MCC: variants seen among roughly 807,000 people sequenced by gnomAD.
The protein encoded by MCC is MCC regulator of Wnt signaling pathway.
In MCC, 90 loss-of-function variants were observed where a neutral mutation model predicts 116.2. The observed-to-expected ratio is 0.77, with a 90% confidence interval of 0.65 to 0.92. MCC has a LOEUF of 0.92. Among genes scored for constraint, MCC ranks in the 40% least tolerant of loss-of-function variants. The pLI is 0.00. For missense variants in MCC, 1,516 were observed against 1,312.2 expected (o/e 1.16, Z -2.40); for synonymous variants, 578 against 510.5 (o/e 1.13, Z -1.78).
rs1023521925 is a variant in MCC, at chr5:113,434,980, A to T, written c.171-49768T>A. On this transcript the variant is annotated intron_variant, in intron 1 of 18. Transcript: ENST00000408903. This position sits in a 1 kb window ranked among gnomAD's most constrained non-coding sequence, Gnocchi z 4.2. ...CTGTTCCTGCCTCCTAGAGGCCAAG[A>T]CTCTGGAGTGGAACATTTGGCACTG... 3 of 1,014,544 alleles carry T rather than the reference A, an allele frequency of 3.0e-6. No individual in the cohort carries two copies. The highest frequency in any genetic ancestry group is 4.3e-6 in the Non-Finnish European group (3 of 703,448). The allele number at this position is 1,014,544 out of a possible 1,614,324, so 62.8% of individuals were successfully genotyped here.
At chr5:113,244,320 A>C (rs1764492303) in intron 3 of MCC, among the ~76,000 whole-genome samples, 1 of 152,248 alleles carries the variant, frequency 6.6e-6, no homozygotes, top group Admixed American at 6.5e-5. Flanking sequence ...AATAATCTAC[A>C]AGTAGGTTTA....
intron 8 of MCC, among the ~76,000 whole-genome samples, chr5:113,094,594 G>C (rs962320284): frequency 6.6e-6 from 1 of 151,888 alleles, no homozygotes; most frequent in Non-Finnish European, 1.5e-5. Flanking sequence ...CTAATTTTTT[G>C]TATTTTTAGT....
chr5:113,088,295 C>G (rs557777607), intron 8 of MCC, among the ~76,000 whole-genome samples: 49 of 151,954 alleles, frequency 3.2e-4, no homozygotes, highest in South Asian at 1.3e-3. Context: ...ATGCAAGAAA[C>G]TAAGGCTAAA....
chr5:113,416,834 TTAAAA>T (rs1378708933), intron 1 of MCC, among the ~76,000 whole-genome samples: 6 of 152,186 alleles, frequency 3.9e-5, no homozygotes, highest in Admixed American at 6.5e-5. Context: ...TTTTTGACAA[TTAAAA>T]TAAATCGTCA....
intron 14 of MCC, among the ~76,000 whole-genome samples, chr5:113,055,881 G>A (rs1419728422): frequency 6.6e-6 from 1 of 152,206 alleles, no homozygotes; most frequent in Non-Finnish European, 1.5e-5. Flanking sequence ...TAAGGGGAAA[G>A]ACAGGTCCCC....
intron 1 of MCC, among the ~76,000 whole-genome samples, chr5:113,464,035 T>C (rs1771829970): frequency 6.6e-6 from 1 of 152,084 alleles, no homozygotes; most frequent in African/African-American, 2.4e-5. Flanking sequence ...ACACAGTCAA[T>C]GGCTGAAAGG....
rs374268817 is a variant in MCC, at chr5:113,138,314, G to A, written c.884+4904C>T. Among the ~76,000 whole-genome samples the A allele has an allele frequency of 2.0e-5, 3 of 152,154 alleles. No homozygotes were observed. The South Asian group carries it at 6.2e-4, about 32-fold the overall frequency. On this transcript the variant is annotated intron_variant, in intron 5 of 18. Coordinates refer to ENST00000408903, the MANE Select transcript of MCC (RefSeq NM_001085377.2). Reference sequence around the variant, plus strand: ...GCATGAGCCACCACGCCTGGCCCACGCCAAAATTCTTATGTTGAAGCCTTA... The same window carrying A: ...GCATGAGCCACCACGCCTGGCCCACACCAAAATTCTTATGTTGAAGCCTTA...
intron 5 of MCC, among the ~76,000 whole-genome samples, chr5:113,126,813 T>C (rs1427888021): frequency 6.6e-6 from 1 of 152,216 alleles, no homozygotes; most frequent in East Asian, 1.9e-4. Context: ...TCATGAGCTA[T>C]GTGTGGATTT....
Position 113,053,867 on chromosome 5 carries a change from T to A in MCC, c.2306A>T (p.Asp769Val). 1 of 1,614,164 alleles carries A rather than the reference T, an allele frequency of 6.2e-7. No individual in the cohort carries two copies. The highest frequency in any genetic ancestry group is 8.5e-7 in the Non-Finnish European group (1 of 1,180,024). Reference protein sequence around the residue: ...LKDYIQQLKNDRAAVKLTMLE... With the variant: ...LKDYIQQLKNVRAAVKLTMLE... ...CATGGTCAGCTTGACCGCAGCCCTGTCATTCTTGAGCTGCTGGATATAATC... is the reference window on the plus strand; with the variant it reads ...CATGGTCAGCTTGACCGCAGCCCTGACATTCTTGAGCTGCTGGATATAATC... Residue 769 changes from aspartate (D) to valine (V), a missense_variant, in exon 15 of 19, where the codon GAC becomes GTC. Physicochemically the swap from Asp to Val is radical, Grantham distance 152. Coordinates refer to ENST00000408903, the MANE Select transcript of MCC (RefSeq NM_001085377.2).
intron 3 of MCC, among the ~76,000 whole-genome samples, chr5:113,279,162 A>G (rs1765939654): frequency 6.6e-6 from 1 of 152,112 alleles, no homozygotes; most frequent in African/African-American, 2.4e-5. Context: ...CCCAATTCCA[A>G]TTGCTGTGTT....
chr5:113,266,788 T>C (rs375166869), intron 3 of MCC, among the ~76,000 whole-genome samples: 7 of 150,482 alleles, frequency 4.7e-5, no homozygotes, highest in African/African-American at 1.7e-4. Flanking sequence ...CCTCCCTCCA[T>C]ATGGACAAAA....
intron 3 of MCC, among the ~76,000 whole-genome samples, chr5:113,188,434 G>A (rs930582543): frequency 2.6e-5 from 4 of 152,168 alleles, no homozygotes; most frequent in African/African-American, 4.8e-5. Flanking sequence ...CTGCTTCCAA[G>A]GACAGCCACA....
At chr5:113,156,081 G>C (rs919898901) in intron 3 of MCC, among the ~76,000 whole-genome samples, 1 of 152,200 alleles carries the variant, frequency 6.6e-6, no homozygotes, top group Admixed American at 6.5e-5. Context: ...AGACTCTAGG[G>C]AGCAGAAAGG....
At chr5:113,151,091 C>G (rs927218033) in intron 4 of MCC, among the ~76,000 whole-genome samples, 1 of 152,148 alleles carries the variant, frequency 6.6e-6, no homozygotes, top group Non-Finnish European at 1.5e-5. Context: ...TCGGTAGGCA[C>G]CTTGGACTTC....
In MCC at chr5:113,144,773, G is replaced by A. The variant is rs114271615; in HGVS notation, c.742-1413C>T. Among the ~76,000 whole-genome samples the A allele has an allele frequency of 5.4e-3, 819 of 152,302 alleles. 5 individuals carry two copies. The highest frequency in any genetic ancestry group is 8.9e-3 in the Non-Finnish European group (606 of 68,026). On this transcript the variant is annotated intron_variant, in intron 4 of 18. Coordinates refer to ENST00000408903, the MANE Select transcript of MCC (RefSeq NM_001085377.2). ...CAGAAACAAGATTGGAGGCAACAAG[G>A]TTGTTGAATGCTTTATCACAGCCTT...
At chr5:113,443,824 C>G (rs536629636) in intron 1 of MCC, among the ~76,000 whole-genome samples, 1 of 152,132 alleles carries the variant, frequency 6.6e-6, no homozygotes, top group African/African-American at 2.4e-5. Flanking sequence ...GTTGAACCAG[C>G]CTTGCATCCC....
chr5:113,365,773 T>C (rs1299927582), intron 2 of MCC, among the ~76,000 whole-genome samples: 3 of 152,162 alleles, frequency 2.0e-5, no homozygotes, highest in Admixed American at 6.5e-5. Flanking sequence ...TCAGGAAACT[T>C]AGAATCATGG....
intron 1 of MCC, among the ~76,000 whole-genome samples, chr5:113,470,538 T>C (rs1436500723): frequency 3.9e-5 from 6 of 152,250 alleles, no homozygotes; most frequent in Admixed American, 3.9e-4. Flanking sequence ...GTAGAGTTTC[T>C]GCCGAGAGAT....
intron 3 of MCC, among the ~76,000 whole-genome samples, chr5:113,225,682 C>T (rs772530043): frequency 1.3e-5 from 2 of 152,208 alleles, no homozygotes; most frequent in Non-Finnish European, 2.9e-5. Context: ...CTATACCAGG[C>T]ACCTCCTCTG....
Sources: allele counts gnomAD v4.1 joint callset (sites outside exome capture counted in the v4.1 genomes callset), GRCh38; gene constraint gnomAD v4.1.1; non-coding constraint Gnocchi (gnomAD v3.1); transcripts MANE v1.5; gene names NCBI Gene and HGNC (gene_info 2026-07-23, HGNC 2026-07-21).